Variants in MYLK observed in about 807,000 individuals in gnomAD.
MYLK encodes the protein myosin light chain kinase.
MYLK carries 106 observed loss-of-function variants against 203.4 expected under a neutral mutation model. The ratio of observed to expected loss-of-function variants is 0.52; its 90% CI spans 0.45 to 0.61. The LOEUF (loss-of-function observed/expected upper bound fraction) is 0.61. MYLK is among the 20% of genes least tolerant of loss of function. The pLI is 0.00. For missense variants in MYLK, 2,072 were observed against 2,442.3 expected (o/e 0.85, Z 3.20); for synonymous variants, 867 against 959.5 (o/e 0.90, Z 1.78).
At chr3:123,633,878 T>C (rs1268684746) in intron 29 of MYLK, among the ~76,000 whole-genome samples, 1 of 152,038 alleles carries the variant, frequency 6.6e-6, no homozygotes, top group East Asian at 1.9e-4. Flanking sequence ...AATGGGGGTC[T>C]CGCTATATCA....
At chr3:123,664,013 G>A in intron 23 of MYLK, 92 bp downstream of exon 23, 2 of 1,547,146 alleles carry the variant, frequency 1.3e-6, no homozygotes, top group Non-Finnish European at 1.8e-6. Flanking sequence ...AGAGATAATG[G>A]GTGATGAAGT....
At chr3:123,845,434 G>A (rs1375363911) in intron 2 of MYLK, among the ~76,000 whole-genome samples, 1 of 152,168 alleles carries the variant, frequency 6.6e-6, no homozygotes, top group Non-Finnish European at 1.5e-5. Context: ...CAGGGACAGA[G>A]TTCAAAGTTG....
intron 12 of MYLK, among the ~76,000 whole-genome samples, chr3:123,724,694 T>G (rs1037101132): frequency 1.3e-5 from 2 of 152,072 alleles, no homozygotes; most frequent in African/African-American, 4.8e-5. Flanking sequence ...TGGGGACTAT[T>G]TGGTGCATAA....
At chr3:123,626,511 G>T (rs187973672) in intron 31 of MYLK, among the ~76,000 whole-genome samples, 1 of 152,258 alleles carries the variant, frequency 6.6e-6, no homozygotes, top group East Asian at 1.9e-4. Context: ...CTCATCCCAA[G>T]CCATGAAGAC....
intron 23 of MYLK, among the ~76,000 whole-genome samples, chr3:123,662,554 A>G (rs2059597427): frequency 1.3e-5 from 2 of 152,218 alleles, no homozygotes; most frequent in Non-Finnish European, 2.9e-5. Context: ...TTGGGGAATC[A>G]TAGAATGTCA....
Position 123,629,704 on chromosome 3 carries a change from G to A in MYLK, c.4962-78C>T. ...CAGGTGAGTGGTAACTGAGGTCAAA[G>A]GCGAGGGTCGGCCAGCCTCCCCACC... On this transcript the variant is annotated intron_variant, in intron 29 of 33. Coordinates refer to ENST00000360304, the MANE Select transcript of MYLK (RefSeq NM_053025.4). This position sits in a 1 kb window ranked among gnomAD's most constrained non-coding sequence, Gnocchi z 4.4. The A allele has an allele frequency of 2.0e-6, 3 of 1,531,748 alleles. No individual in the cohort carries two copies. Among genetic ancestry groups the A allele is most frequent in the Non-Finnish European group, 2.7e-6 (3 of 1,109,904 alleles). The allele number at this position is 1,531,748 out of a possible 1,614,324, so 94.9% of individuals were successfully genotyped here. A position where few individuals can be genotyped will look rare whatever the true frequency, so the allele number is the denominator to read the frequency against.
At position 123,669,990 on chromosome 3, in the gene MYLK, G is replaced by A. The variant is rs58873621; in HGVS notation, c.3653-2803C>T. ...GTAGAGGCTGCAATGAGCTGAGATC[G>A]TGCCACCGCACTCCAGCCTGGGTGA... On this transcript the variant is annotated intron_variant, in intron 20 of 33. Transcript: ENST00000360304. 0.027 allele frequency among the ~76,000 whole-genome samples: 3,842 copies of A among 143,908 alleles called. 345 individuals are homozygous for A. The East Asian group carries it at 0.36, about 13-fold the overall frequency. 94.4% of individuals were successfully genotyped at this position (143,908 alleles called of 152,430 possible).
chr3:123,762,065 G>A (rs9831708), intron 4 of MYLK, among the ~76,000 whole-genome samples: 12,488 of 152,002 alleles, frequency 0.082, 1,615 homozygotes, highest in African/African-American at 0.28. Context: ...CAAAACACCC[G>A]TACCTGGTTA....
At chr3:123,851,525 T>C (rs2030799269) in intron 2 of MYLK, among the ~76,000 whole-genome samples, 2 of 86,730 alleles carry the variant, frequency 2.3e-5, no homozygotes, top group Non-Finnish European at 4.5e-5. Context: ...GGGAGTTCAC[T>C]GATGATTTGC....
Position 123,743,671 on chromosome 3 carries a change from T to C in MYLK, c.374-3670A>G, listed in dbSNP as rs1254296856. On this transcript the variant is annotated intron_variant, in intron 5 of 33. Transcript: ENST00000360304. Reference sequence around the variant, plus strand: ...CCAAGACACTGACGGTATTTGATCTTAGATTTTTCAAAGACAAGTAAAAGA... The same window carrying C: ...CCAAGACACTGACGGTATTTGATCTCAGATTTTTCAAAGACAAGTAAAAGA... 2.6e-5 allele frequency among the ~76,000 whole-genome samples: 4 copies of C among 152,130 alleles called. No individual in the cohort carries two copies. The South Asian group carries it at 8.3e-4, about 32-fold the overall frequency.
At chr3:123,870,533 G>A (rs544942485) in intron 2 of MYLK, among the ~76,000 whole-genome samples, 1 of 152,274 alleles carries the variant, frequency 6.6e-6, no homozygotes, top group South Asian at 2.1e-4. Flanking sequence ...ACAAAGACAG[G>A]GCCAGCACAG....
rs1178510394 is a variant in MYLK, at chr3:123,811,602, C to T, written c.-3-17758G>A. On this transcript the variant is annotated intron_variant, in intron 3 of 33. Coordinates refer to ENST00000360304, the MANE Select transcript of MYLK (RefSeq NM_053025.4). ...GGGACACTGTGCTAAACAAAGGCAG[C>T]AGTTCATTTTTTTTAGCATTCAGCC... Among the ~76,000 whole-genome samples, 4 of 152,146 alleles carry T rather than the reference C, an allele frequency of 2.6e-5. No homozygotes were observed. The East Asian group carries it at 7.7e-4, about 29-fold the overall frequency.
chr3:123,777,914 C>T (rs1424994311), intron 4 of MYLK, among the ~76,000 whole-genome samples: 2 of 152,154 alleles, frequency 1.3e-5, no homozygotes, highest in African/African-American at 4.8e-5. Context: ...TTTTTACAGA[C>T]AAAATGATTT....
intron 18 of MYLK, among the ~76,000 whole-genome samples, chr3:123,696,970 G>A (rs987243329): frequency 2.6e-5 from 4 of 152,232 alleles, no homozygotes; most frequent in African/African-American, 7.2e-5. Flanking sequence ...CTGGAAGCCC[G>A]TCCCCTCTGG....
At chr3:123,849,792 G>A (rs1275356933) in intron 2 of MYLK, among the ~76,000 whole-genome samples, 6 of 151,792 alleles carry the variant, frequency 4.0e-5, no homozygotes, top group Non-Finnish European at 5.9e-5. Flanking sequence ...TGTGCACAAC[G>A]TGCAGGTTCG....
At chr3:123,856,638 T>C (rs894087147) in intron 2 of MYLK, among the ~76,000 whole-genome samples, 35 of 152,214 alleles carry the variant, frequency 2.3e-4, no homozygotes, top group African/African-American at 8.2e-4. Context: ...CATTTTTCAA[T>C]ATAGGAAACA....
In MYLK at chr3:123,707,853, T is replaced by C. The variant is rs763243524; in HGVS notation, c.2291A>G (p.Asp764Gly). ...CTGAAGCACCTCGAAGTGGCCAGTG[T>C]CTTTGCAGAGGGCTTTGCCATCTCT... is the stretch of plus-strand genomic sequence containing the variant. ...WLRDGKALCK[D>G]TGHFEVLQNE... Residue 764 changes from aspartate (D) to glycine (G), a missense_variant, in exon 16 of 34, where the codon GAC becomes GGC. Asp to Gly is a moderately conservative substitution (Grantham distance 94). Coordinates refer to ENST00000360304, the MANE Select transcript of MYLK (RefSeq NM_053025.4). 8.1e-6 allele frequency: 13 copies of C among 1,614,062 alleles called. No homozygotes were observed. The highest frequency in any genetic ancestry group is 1.0e-5 in the Non-Finnish European group (12 of 1,180,052).
At chr3:123,788,433 C>T (rs1232946831) in intron 4 of MYLK, among the ~76,000 whole-genome samples, 1 of 150,316 alleles carries the variant, frequency 6.7e-6, no homozygotes, top group Non-Finnish European at 1.5e-5. Context: ...TACATGTGCA[C>T]AATGTGCAGG....
At position 123,779,270 on chromosome 3, in the gene MYLK, C is replaced by T. The variant is rs145051215; in HGVS notation, c.165+14407G>A. On this transcript the variant is annotated intron_variant, in intron 4 of 33. Coordinates refer to ENST00000360304, the MANE Select transcript of MYLK (RefSeq NM_053025.4). ...TGGGAACCAGTCTCCCTGGGCCCAA[C>T]GTCCCCTTGCACACGGATGAGGCAG... is the stretch of plus-strand genomic sequence containing the variant. 1.1e-3 allele frequency among the ~76,000 whole-genome samples: 172 copies of T among 152,332 alleles called. 1 individual carries two copies. Among genetic ancestry groups the T allele is most frequent in the African/African-American group, 3.9e-3 (164 of 41,564 alleles).
Sources: gnomAD v4.1 joint callset for allele counts (sites outside exome capture counted in the v4.1 genomes callset) on GRCh38, gnomAD v4.1.1 for gene constraint, Gnocchi (gnomAD v3.1) non-coding constraint, MANE v1.5 for transcripts, NCBI Gene and HGNC (gene_info 2026-07-23, HGNC 2026-07-21) for gene names.